Variants in FGF12 observed in about 807,000 individuals in gnomAD.
The protein encoded by FGF12 is fibroblast growth factor 12.
Under a neutral mutation model 23.6 loss-of-function variants are expected in FGF12, and 14 were observed. That is an observed-to-expected ratio of 0.59 (90% CI 0.39 to 0.93). The LOEUF (loss-of-function observed/expected upper bound fraction) is 0.93, where lower values mean the gene tolerates loss of function less well. FGF12 is among the 40% of genes least tolerant of loss of function. FGF12 has a pLI of 0.00. For synonymous variants in FGF12, 62 were observed against 77.3 expected, an observed-to-expected ratio of 0.80 and a Z score of 1.04; for missense variants, 175 against 217.8, an observed-to-expected ratio of 0.80 and a Z score of 1.24.
intron 2 of FGF12, among the ~76,000 whole-genome samples, chr3:192,517,772 TAGAC>T (rs1054612407): frequency 7.2e-5 from 11 of 152,224 alleles, no homozygotes; most frequent in African/African-American, 2.7e-4. Flanking sequence ...TTGTATTACT[TAGAC>T]AGTTTTTTAT....
chr3:192,146,269 T>TAC (rs1491277343), intron 5 of FGF12, among the ~76,000 whole-genome samples: 2 of 68,718 alleles, frequency 2.9e-5, no homozygotes, highest in Non-Finnish European at 8.2e-5. Flanking sequence ...CATTAAAGTG[T>TAC]ATATTTTTTT....
intron 4 of FGF12, among the ~76,000 whole-genome samples, chr3:192,186,860 C>A (rs562979571): frequency 6.6e-6 from 1 of 152,092 alleles, no homozygotes; most frequent in Admixed American, 6.5e-5. Context: ...TTTTGGTTCC[C>A]CCTGAAATGT....
Position 192,626,789 on chromosome 3 carries a change from G to T in FGF12, c.13+100392C>A, listed in dbSNP as rs573565020. On this transcript the variant is annotated intron_variant, in intron 2 of 5. Coordinates refer to ENST00000445105, the MANE Select transcript of FGF12 (RefSeq NM_004113.6). The stretch of plus-strand genomic sequence containing the variant: ...CCAGTTAATTTTTAAACAAATTTTG[G>T]TAGAGGTGGTGTCTCACTGCATTGC... Among the ~76,000 whole-genome samples the T allele has an allele frequency of 2.6e-5, 4 of 152,110 alleles. No homozygotes were observed. In the South Asian group the frequency reaches 8.3e-4, roughly 32 times the overall value.
At chr3:192,497,953 A>G (rs940407110) in intron 2 of FGF12, among the ~76,000 whole-genome samples, 1 of 152,238 alleles carries the variant, frequency 6.6e-6, no homozygotes. Context: ...TAATTAAAAT[A>G]GCACCTGGCA....
At chr3:192,509,696 A>G (rs1183498451) in intron 2 of FGF12, among the ~76,000 whole-genome samples, 2 of 152,208 alleles carry the variant, frequency 1.3e-5, no homozygotes, top group African/African-American at 4.8e-5. Context: ...TAGCCTCAGG[A>G]CACACACTAA....
intron 4 of FGF12, among the ~76,000 whole-genome samples, chr3:192,188,706 T>G (rs558673870): frequency 2.6e-5 from 4 of 152,338 alleles, no homozygotes; most frequent in South Asian, 2.1e-4. Flanking sequence ...ATTAGTTGAA[T>G]GAAAAGCAGA....
intron 2 of FGF12, among the ~76,000 whole-genome samples, chr3:192,545,981 T>A (rs1725485838): frequency 6.6e-6 from 1 of 152,182 alleles, no homozygotes; most frequent in Admixed American, 6.5e-5. Context: ...TCCACCCAAA[T>A]AAACTAAGGA....
chr3:192,405,497 A>G (rs553709433), intron 2 of FGF12, among the ~76,000 whole-genome samples: 3 of 151,334 alleles, frequency 2.0e-5, no homozygotes, highest in East Asian at 3.9e-4. Context: ...AGAAATTCAG[A>G]GTGGAAATTC....
intron 2 of FGF12, among the ~76,000 whole-genome samples, chr3:192,522,096 G>GC (rs1724831116): frequency 6.6e-6 from 1 of 151,850 alleles, no homozygotes; most frequent in African/African-American, 2.4e-5. Context: ...TACTCGGGAG[G>GC]CTGAGGCAGG....
chr3:192,246,730 C>G (rs1711594619), intron 4 of FGF12, among the ~76,000 whole-genome samples: 1 of 150,116 alleles, frequency 6.7e-6, no homozygotes, highest in African/African-American at 2.5e-5. Context: ...AAGGCTGAGG[C>G]AGGAGAATCG....
chr3:192,381,648 T>C (rs78853694), intron 2 of FGF12, among the ~76,000 whole-genome samples: 3,353 of 152,052 alleles, frequency 0.022, 130 homozygotes, highest in African/African-American at 0.076. Context: ...ACATTGAAGA[T>C]GAGTGTAAAG....
chr3:192,567,535 A>G (rs1256189196), intron 2 of FGF12, among the ~76,000 whole-genome samples: 1 of 152,136 alleles, frequency 6.6e-6, no homozygotes, highest in African/African-American at 2.4e-5. Flanking sequence ...AAAACCCACT[A>G]CAGACTTGGG....
At chr3:192,504,720 T>C (rs1258218917) in intron 2 of FGF12, among the ~76,000 whole-genome samples, 6 of 152,164 alleles carry the variant, frequency 3.9e-5, no homozygotes, top group African/African-American at 1.2e-4. Flanking sequence ...TCTCTCACAC[T>C]ACTATTGGGG....
At chr3:192,627,941 A>T (rs1715235732) in intron 2 of FGF12, among the ~76,000 whole-genome samples, 1 of 151,888 alleles carries the variant, frequency 6.6e-6, no homozygotes, top group Non-Finnish European at 1.5e-5. Flanking sequence ...AATCAAAATG[A>T]GTTTTGTCAC....
chr3:192,251,487 C>CA (rs1489769503), intron 4 of FGF12, among the ~76,000 whole-genome samples: 1 of 152,108 alleles, frequency 6.6e-6, no homozygotes. Context: ...TATTCTTATA[C>CA]AAAGTCCCAA....
At chr3:192,419,191 T>C (rs1369206059) in intron 2 of FGF12, among the ~76,000 whole-genome samples, 1 of 152,160 alleles carries the variant, frequency 6.6e-6, no homozygotes, top group Non-Finnish European at 1.5e-5. Context: ...AATGAACTTA[T>C]GAGGACAATT....
chr3:192,245,623 G>A (rs1281446175), intron 4 of FGF12, among the ~76,000 whole-genome samples: 3 of 152,214 alleles, frequency 2.0e-5, no homozygotes, highest in Admixed American at 6.5e-5. Flanking sequence ...ACTGGAAACA[G>A]AGAAAGACAT....
At chr3:192,444,550 GA>G in intron 2 of FGF12, among the ~76,000 whole-genome samples, 1 of 152,180 alleles carries the variant, frequency 6.6e-6, no homozygotes, top group Non-Finnish European at 1.5e-5. Flanking sequence ...GAAAAAAGCA[GA>G]GTATATTGTC....
chr3:192,567,849 T>C (rs1712413659), intron 2 of FGF12, among the ~76,000 whole-genome samples: 1 of 151,390 alleles, frequency 6.6e-6, no homozygotes, highest in Admixed American at 6.6e-5. Flanking sequence ...TTTCTTTCTT[T>C]TTTTCAGAGT....
Sources: allele counts gnomAD v4.1 joint callset (sites outside exome capture counted in the v4.1 genomes callset), GRCh38; gene constraint gnomAD v4.1.1; transcripts MANE v1.5; gene names NCBI Gene and HGNC (gene_info 2026-07-23, HGNC 2026-07-21).